CPZ: variants seen among roughly 807,000 people sequenced by gnomAD.
The protein encoded by CPZ is VEZT/CPZ fusion.
CPZ carries 103 observed loss-of-function variants against 61.8 expected under a neutral mutation model. The ratio of observed to expected loss-of-function variants is 1.67; its 90% CI spans 1.42 to 1.96. The LOEUF (loss-of-function observed/expected upper bound fraction) is 1.96, where lower values mean the gene tolerates loss of function less well. CPZ is among the 30% of genes most tolerant of loss of function. The pLI, the probability that CPZ is intolerant of heterozygous loss-of-function variation, is 0.00. For missense variants in CPZ, 1,461 were observed against 914.9 expected, an observed-to-expected ratio of 1.60 and a Z score of -7.70; for synonymous variants, 551 against 373.7, an observed-to-expected ratio of 1.47 and a Z score of -5.47.
At chr4:8,618,215 G>C (rs1330574143) in intron 9 of CPZ, 6 of 579,016 alleles carry the variant, frequency 1.0e-5, no homozygotes, top group East Asian at 2.9e-5. Flanking sequence ...CCCAGAACGT[G>C]CTCGGGTCAA....
At position 8,618,505 on chromosome 4, in the gene CPZ, G is replaced by A. The variant is rs1388810189; in HGVS notation, c.1580G>A (p.Gly527Asp). The A allele has an allele frequency of 6.2e-6, 10 of 1,614,016 alleles. No homozygotes were observed. Among genetic ancestry groups the A allele is most frequent in the Non-Finnish European group, 8.5e-6 (10 of 1,180,034 alleles). Residue 527 changes from glycine (G) to aspartate (D), a missense_variant, in exon 10 of 11, where the codon GGC becomes GAC. Physicochemically the swap from Gly to Asp is moderately conservative, Grantham distance 94. Coordinates refer to ENST00000360986, the MANE Select transcript of CPZ (RefSeq NM_001014447.3). ...PVKNARISVKGIRHDITTAPD... is the reference protein window; with the variant it reads ...PVKNARISVKDIRHDITTAPD... ...AAAAACGCCCGGATCTCAGTCAAAG[G>A]CATTCGCCACGACATCACCACAGGT...
chr4:8,618,513 C>T lies in CPZ; in HGVS notation c.1588C>T (p.His530Tyr). The T allele has an allele frequency of 2.5e-6, 4 of 1,613,898 alleles. No homozygotes were observed. Among genetic ancestry groups the T allele is most frequent in the Non-Finnish European group, 3.4e-6 (4 of 1,180,024 alleles). ...CCGGATCTCAGTCAAAGGCATTCGC[C>T]ACGACATCACCACAGGTGAGCACGT... ...NARISVKGIR[H>Y]DITTAPDGDY... The change falls in exon 10 of 11, where the codon CAC becomes TAC. Residue 530 changes from histidine (H) to tyrosine (Y), a missense_variant. Physicochemically the swap from His to Tyr is moderately conservative, Grantham distance 83. Coordinates refer to ENST00000360986, the MANE Select transcript of CPZ (RefSeq NM_001014447.3).
intron 7 of CPZ, among the ~76,000 whole-genome samples, chr4:8,611,762 C>T (rs957640459): frequency 2.0e-5 from 3 of 151,600 alleles, no homozygotes; most frequent in African/African-American, 7.3e-5. Context: ...GCCAGGTGTG[C>T]AGAGTCTCGG....
intron 7 of CPZ, among the ~76,000 whole-genome samples, chr4:8,609,127 T>TTTAC (rs1560297898): frequency 7.2e-6 from 1 of 139,362 alleles, no homozygotes; most frequent in South Asian, 2.4e-4. Context: ...CCCTCACTCA[T>TTTAC]TCACTCATTT....
chr4:8,610,856 G>A (rs571157396), intron 7 of CPZ, among the ~76,000 whole-genome samples: 4 of 152,156 alleles, frequency 2.6e-5, no homozygotes, highest in Non-Finnish European at 4.4e-5. Flanking sequence ...AGATGGCACA[G>A]CCTCACTTCT....
chr4:8,611,973 A>C, intron 7 of CPZ, 54 bp from the exon 8 acceptor site: 1 of 1,611,594 alleles, frequency 6.2e-7, no homozygotes, highest in Non-Finnish European at 8.5e-7. Context: ...ACCCCAGCTC[A>C]CAGGACGTCC....
intron 7 of CPZ, among the ~76,000 whole-genome samples, chr4:8,609,129 CACTCATTT>C (rs1244562122): frequency 1.6e-4 from 19 of 121,610 alleles, no homozygotes; most frequent in African/African-American, 4.9e-4. Flanking sequence ...CTCACTCATT[CACTCATTT>C]ACTCATTCAC....
At chr4:8,599,361 C>T (rs536072033) in intron 1 of CPZ, 92 bp from the exon 2 acceptor site, 1 of 1,444,570 alleles carries the variant, frequency 6.9e-7, no homozygotes, top group African/African-American at 1.4e-5. Context: ...CTGGGCTGGT[C>T]CCTACCTGCA....
chr4:8,612,528 T>C (rs1434249966), intron 8 of CPZ, among the ~76,000 whole-genome samples: 1 of 152,228 alleles, frequency 6.6e-6, no homozygotes, highest in Non-Finnish European at 1.5e-5. Context: ...AGGAATTGTT[T>C]TTAGGACAAT....
intron 7 of CPZ, among the ~76,000 whole-genome samples, chr4:8,611,629 C>T (rs185438679): frequency 1.7e-3 from 254 of 152,280 alleles, no homozygotes; most frequent in Non-Finnish European, 2.9e-3. Flanking sequence ...GGGGAAAATG[C>T]AGCCCACCCT....
intron 10 of CPZ, 71 bp from the exon 11 acceptor site, chr4:8,619,191 T>TCCATCAC (rs916791546): frequency 5.2e-6 from 7 of 1,348,886 alleles, no homozygotes; most frequent in South Asian, 4.1e-5. Context: ...CCCACTCATA[T>TCCATCAC]CCATCACCCA....
Position 8,607,255 on chromosome 4 carries a change from T to C in CPZ, c.1069-12T>C. The C allele has an allele frequency of 6.2e-7, 1 of 1,613,152 alleles. No homozygotes were observed. On this transcript the variant is annotated splice_polypyrimidine_tract_variant and intron_variant, in intron 6 of 10. Coordinates refer to ENST00000360986, the MANE Select transcript of CPZ (RefSeq NM_001014447.3). The stretch of plus-strand genomic sequence containing the variant: ...GCCCAGCCCTGAGGGCGGCCTCGTC[T>C]GTCCTGGGCAGGTGGCCCCGGAGAC...
intron 4 of CPZ, among the ~76,000 whole-genome samples, 191 bp downstream of exon 4, chr4:8,604,379 C>T (rs1032933101): frequency 5.9e-5 from 9 of 152,248 alleles, no homozygotes; most frequent in African/African-American, 1.9e-4. Context: ...AGAATTTCTC[C>T]AGATATCCAT....
At chr4:8,596,725 C>T (rs1342834341) in intron 1 of CPZ, among the ~76,000 whole-genome samples, 4 of 152,174 alleles carry the variant, frequency 2.6e-5, no homozygotes, top group Non-Finnish European at 5.9e-5. Context: ...TCTTAGTGCC[C>T]TCATCTGTGA....
intron 1 of CPZ, among the ~76,000 whole-genome samples, chr4:8,593,811 C>T (rs140985189): frequency 1.4e-4 from 21 of 152,314 alleles, no homozygotes; most frequent in Non-Finnish European, 2.2e-4. Flanking sequence ...TTTTCCTTTC[C>T]GTCCTGTTGA....
chr4:8,597,767 G>GGAGC (rs1422553046), intron 1 of CPZ, among the ~76,000 whole-genome samples: 3 of 152,236 alleles, frequency 2.0e-5, no homozygotes, highest in Non-Finnish European at 4.4e-5. Context: ...TGTGGCTGAT[G>GGAGC]GAGCCTCTTC....
chr4:8,606,128 C>A lies in CPZ; in HGVS notation c.849C>A (p.Thr283=), dbSNP rs759902202. 6.2e-7 allele frequency: 1 copy of A among 1,614,080 alleles called. No homozygotes were observed. Among genetic ancestry groups the A allele is most frequent in the South Asian group, 1.1e-5 (1 of 91,084 alleles). The change falls in exon 5 of 11, where the codon ACC becomes ACA. Residue 283 remains threonine, a synonymous_variant. Transcript: ENST00000360986. The stretch of plus-strand genomic sequence containing the variant: ...GCATCCAGCGCCTGCTCAACACCAC[C>A]CGCATCCACCTGCTGCCCTCCATGA... ...NPRIQRLLNT[T]RIHLLPSMNP...
chr4:8,609,177 C>A (rs1203214107), intron 7 of CPZ, among the ~76,000 whole-genome samples: 5 of 32,834 alleles, frequency 1.5e-4, no homozygotes, highest in East Asian at 8.9e-4. Context: ...CTCACCCATT[C>A]ACTCAGGCAT....
At chr4:8,618,146 C>G in intron 9 of CPZ, 1 of 437,368 alleles carries the variant, frequency 2.3e-6, no homozygotes, top group South Asian at 2.3e-5. Flanking sequence ...GTTCTCTGCT[C>G]AATGCCCATA....
Sources: gnomAD v4.1 joint callset for allele counts (sites outside exome capture counted in the v4.1 genomes callset) on GRCh38, gnomAD v4.1.1 for gene constraint, MANE v1.5 for transcripts, NCBI Gene and HGNC (gene_info 2026-07-23, HGNC 2026-07-21) for gene names.